Variants in SUGCT observed in about 807,000 individuals in gnomAD.
SUGCT encodes succinyl-CoA:glutarate-CoA transferase.
In SUGCT, 41 loss-of-function variants were observed where a neutral mutation model predicts 55.0. That is an observed-to-expected ratio of 0.74 (90% confidence interval 0.58 to 0.97). SUGCT has a LOEUF of 0.97. SUGCT is among the 50% of genes least tolerant of loss of function. The probability of loss-of-function intolerance (pLI) is 0.00; values close to 1 mark genes in which losing one functional copy is unlikely to be tolerated. For missense variants in SUGCT, 568 were observed against 547.8 expected, an observed-to-expected ratio of 1.04 and a Z score of -0.37; for synonymous variants, 187 against 200.4, an observed-to-expected ratio of 0.93 and a Z score of 0.56.
At chr7:40,814,176 T>C (rs1380862694) in intron 13 of SUGCT, among the ~76,000 whole-genome samples, 5 of 152,150 alleles carry the variant, frequency 3.3e-5, no homozygotes, top group Non-Finnish European at 7.4e-5. Flanking sequence ...CTGTATGCCT[T>C]GATGACAGTC....
intron 12 of SUGCT, among the ~76,000 whole-genome samples, chr7:40,720,645 T>C (rs1395653224): frequency 1.3e-5 from 2 of 152,198 alleles, no homozygotes. Flanking sequence ...ATTAGTGTAA[T>C]GTGTTAAATA....
intron 12 of SUGCT, among the ~76,000 whole-genome samples, chr7:40,676,083 G>T (rs1783963817): frequency 6.6e-6 from 1 of 152,106 alleles, no homozygotes; most frequent in African/African-American, 2.4e-5. Flanking sequence ...GGAGATGTGG[G>T]AGCCGGAAAC....
chr7:40,776,050 T>G (rs1335192168), intron 13 of SUGCT, among the ~76,000 whole-genome samples: 1 of 152,178 alleles, frequency 6.6e-6, no homozygotes, highest in Non-Finnish European at 1.5e-5. Flanking sequence ...CTTGGCCAAG[T>G]TCCTGCTGAG....
At chr7:40,324,767 T>C (rs1189963433) in intron 9 of SUGCT, among the ~76,000 whole-genome samples, 2 of 152,200 alleles carry the variant, frequency 1.3e-5, no homozygotes, top group Non-Finnish European at 2.9e-5. Context: ...GTTCAGGTGG[T>C]ATGCAATAGC....
chr7:40,443,840 G>T (rs1488925003), intron 9 of SUGCT, among the ~76,000 whole-genome samples: 3 of 152,070 alleles, frequency 2.0e-5, no homozygotes, highest in Non-Finnish European at 4.4e-5. Flanking sequence ...TTCTTCTAGG[G>T]TTTTTATGGT....
chr7:40,678,092 A>T (rs141738290), intron 12 of SUGCT, among the ~76,000 whole-genome samples: 162 of 152,316 alleles, frequency 1.1e-3, no homozygotes, highest in African/African-American at 3.7e-3. Flanking sequence ...AGAAGCTGTA[A>T]TACCTTTTAT....
At chr7:40,970,088 A>G in the SUGCT span, among the ~76,000 whole-genome samples, 5 of 152,198 alleles carry the variant, frequency 3.3e-5, no homozygotes, top group Non-Finnish European at 7.3e-5. Context: ...ATGAAAGTCC[A>G]TCGCGAGGAG....
chr7:40,240,319 A>C (rs947993160), intron 7 of SUGCT, among the ~76,000 whole-genome samples: 1 of 152,116 alleles, frequency 6.6e-6, no homozygotes, highest in African/African-American at 2.4e-5. Flanking sequence ...CCCCATCTGT[A>C]CTAAAAATAC....
At chr7:40,543,739 C>T (rs1562850390) in intron 12 of SUGCT, among the ~76,000 whole-genome samples, 1 of 152,156 alleles carries the variant, frequency 6.6e-6, no homozygotes, top group Non-Finnish European at 1.5e-5. Flanking sequence ...AGTGAACATG[C>T]TGTGGAATGA....
At chr7:40,233,985 C>T (rs1480758522) in intron 6 of SUGCT, among the ~76,000 whole-genome samples, 1 of 152,164 alleles carries the variant, frequency 6.6e-6, no homozygotes, top group Non-Finnish European at 1.5e-5. Context: ...ATGAGAGCAA[C>T]TATTCCTTTT....
chr7:40,835,890 CTT>C (rs1011199588), intron 13 of SUGCT, among the ~76,000 whole-genome samples: 4 of 136,090 alleles, frequency 2.9e-5, no homozygotes, highest in African/African-American at 2.7e-5. Flanking sequence ...TCTTTTTTTT[CTT>C]TTTTTTTTTT....
chr7:40,738,133 G>T (rs1787273549), intron 12 of SUGCT, among the ~76,000 whole-genome samples: 1 of 149,786 alleles, frequency 6.7e-6, no homozygotes. Flanking sequence ...GGAGGCAGAG[G>T]TTGCAGTGAG....
intron 9 of SUGCT, among the ~76,000 whole-genome samples, chr7:40,355,602 G>A (rs1040580029): frequency 6.6e-6 from 1 of 151,960 alleles, no homozygotes; most frequent in Non-Finnish European, 1.5e-5. Flanking sequence ...CAATAAGAGA[G>A]GAAAACATCT....
chr7:40,599,864 G>A (rs959198016), intron 12 of SUGCT, among the ~76,000 whole-genome samples: 3 of 152,080 alleles, frequency 2.0e-5, no homozygotes, highest in African/African-American at 7.2e-5. Flanking sequence ...TATGGATACT[G>A]GTCTCAGCAT....
the SUGCT span, among the ~76,000 whole-genome samples, chr7:41,014,946 C>T: frequency 6.6e-6 from 1 of 152,134 alleles, no homozygotes; most frequent in Non-Finnish European, 1.5e-5. Context: ...ACATGGCTGG[C>T]ATACCCTGGA....
chr7:40,441,333 G>T (rs1167093873), intron 9 of SUGCT, among the ~76,000 whole-genome samples: 1 of 152,058 alleles, frequency 6.6e-6, no homozygotes, highest in Non-Finnish European at 1.5e-5. Flanking sequence ...TATCCTCCAG[G>T]CCTTACTGGG....
At chr7:40,882,018 C>A in the SUGCT span, among the ~76,000 whole-genome samples, 1 of 152,104 alleles carries the variant, frequency 6.6e-6, no homozygotes, top group Non-Finnish European at 1.5e-5. Context: ...TTTCTCACAC[C>A]TTTGTTTGCT....
At chr7:40,218,936 G>C (rs536262947) in intron 6 of SUGCT, among the ~76,000 whole-genome samples, 2 of 152,294 alleles carry the variant, frequency 1.3e-5, no homozygotes, top group South Asian at 2.1e-4. Flanking sequence ...GCGGAAATCC[G>C]TTGGGGTCCC....
intron 12 of SUGCT, among the ~76,000 whole-genome samples, chr7:40,637,290 G>A (rs754847043): frequency 2.0e-5 from 3 of 152,210 alleles, no homozygotes; most frequent in Non-Finnish European, 4.4e-5. Context: ...CTGGGACTTG[G>A]TGAGAATGTG....
Sources: gnomAD v4.1 joint callset for allele counts (sites outside exome capture counted in the v4.1 genomes callset) on GRCh38, gnomAD v4.1.1 for gene constraint, MANE v1.5 for transcripts, NCBI Gene and HGNC (gene_info 2026-07-23, HGNC 2026-07-21) for gene names.